The following MEIG1 variants were observed in gnomAD, a reference collection of about 807,000 sequenced individuals.
The protein encoded by MEIG1 is meiosis/spermiogenesis associated 1.
Under a neutral mutation model 11.3 loss-of-function variants are expected in MEIG1, and 12 were observed. That is an observed-to-expected ratio of 1.07 (90% confidence interval 0.68 to 1.73). The LOEUF (loss-of-function observed/expected upper bound fraction) is 1.73. Among genes scored for constraint, MEIG1 ranks in the 40% most tolerant of loss-of-function variants. The pLI, the probability that MEIG1 is intolerant of heterozygous loss-of-function variation, is 0.00. For synonymous variants in MEIG1, 41 were observed against 33.2 expected (o/e 1.24, Z -0.81); for missense variants, 119 against 104.9 (o/e 1.13, Z -0.59).
At chr10:14,964,841 G>A (rs1018402870) in intron 1 of MEIG1, among the ~76,000 whole-genome samples, 1 of 149,864 alleles carries the variant, frequency 6.7e-6, no homozygotes, top group Admixed American at 6.7e-5. Flanking sequence ...AGGCTAAAGT[G>A]CAATGGTGTG....
In MEIG1 at chr10:14,983,124, G is replaced by A. The variant is rs1379482647; in HGVS notation, n.67-3672G>A. On this transcript the variant is annotated intron_variant and non_coding_transcript_variant, in intron 1 of 2. Transcript: ENST00000467536. ...CTCCTAATGTTCAGGGAGGGAGAGA[G>A]CATGATATTACGTTTAATATCGCAG... Among the ~76,000 whole-genome samples the A allele has an allele frequency of 3.9e-5, 6 of 152,020 alleles. No individual in the cohort carries two copies. In the East Asian group the frequency reaches 1.2e-3, roughly 29 times the overall value.
At chr10:14,985,340 A>C (rs1468276491) in intron 1 of MEIG1, among the ~76,000 whole-genome samples, 1 of 151,990 alleles carries the variant, frequency 6.6e-6, no homozygotes, top group African/African-American at 2.4e-5. Context: ...ACCCTGTGAT[A>C]TTATTTGTAA....
intron 1 of MEIG1, among the ~76,000 whole-genome samples, chr10:14,965,525 T>A (rs1437792159): frequency 6.6e-6 from 1 of 152,146 alleles, no homozygotes; most frequent in Non-Finnish European, 1.5e-5. Context: ...CATTAGTTCA[T>A]CAAAAGATCA....
intron 2 of MEIG1, chr10:14,987,619 TA>T (rs1843332264): frequency 1.9e-6 from 1 of 521,226 alleles, no homozygotes; most frequent in Non-Finnish European, 3.5e-6. Flanking sequence ...TTACGTGATT[TA>T]CTTTTTAGCT....
At chr10:14,972,399 T>C in intron 2 of MEIG1, 114 bp from the exon 3 acceptor site, 7 of 1,370,664 alleles carry the variant, frequency 5.1e-6, no homozygotes, top group Non-Finnish European at 6.1e-6. Context: ...CATTCTAAAA[T>C]CTAATCTTAT....
At chr10:14,967,677 G>C (rs890678005) in intron 2 of MEIG1, among the ~76,000 whole-genome samples, 7 of 151,974 alleles carry the variant, frequency 4.6e-5, no homozygotes, top group African/African-American at 1.7e-4. Flanking sequence ...GGGCTTCAAT[G>C]CTTCATGCCG....
At chr10:14,956,363 G>A (rs1171663869), upstream of MEIG1, among the ~76,000 whole-genome samples, 10 of 152,094 alleles carry the variant, frequency 6.6e-5, no homozygotes, top group African/African-American at 2.2e-4. Context: ...TGGATCACCC[G>A]AGGTCAGGAG....
At chr10:14,965,237 G>A (rs1843066701) in intron 1 of MEIG1, among the ~76,000 whole-genome samples, 1 of 152,130 alleles carries the variant, frequency 6.6e-6, no homozygotes, top group South Asian at 2.1e-4. Context: ...ATAGAAGAAT[G>A]CATTCAAGGA....
chr10:14,974,995 A>G (rs566912971), downstream of MEIG1, among the ~76,000 whole-genome samples: 2 of 152,078 alleles, frequency 1.3e-5, no homozygotes, highest in Non-Finnish European at 2.9e-5. Context: ...CCAGGAAGGG[A>G]GAGAGCATGA....
chr10:14,964,635 AC>A (rs1843057922), intron 1 of MEIG1, among the ~76,000 whole-genome samples: 2 of 43,204 alleles, frequency 4.6e-5, no homozygotes, highest in East Asian at 4.8e-4. Flanking sequence ...ATATATGTAT[AC>A]TTTTTTTTTT....
At chr10:14,979,909 C>T (rs1843247795) in intron 1 of MEIG1, among the ~76,000 whole-genome samples, 1 of 151,970 alleles carries the variant, frequency 6.6e-6, no homozygotes, top group South Asian at 2.1e-4. Flanking sequence ...TTTCTATTGT[C>T]AGAGGAGTTT....
chr10:14,974,021 C>T (rs559256398), downstream of MEIG1, among the ~76,000 whole-genome samples: 31 of 152,260 alleles, frequency 2.0e-4, no homozygotes, highest in African/African-American at 7.2e-4. Flanking sequence ...CACAGTCTCT[C>T]GTATAATTGT....
chr10:14,986,302 G>A (rs1160115679), intron 1 of MEIG1, among the ~76,000 whole-genome samples: 2 of 152,138 alleles, frequency 1.3e-5, no homozygotes, highest in African/African-American at 2.4e-5. Flanking sequence ...TTCAGCCTGG[G>A]CAACAAGAGC....
chr10:14,981,524 A>G (rs1284559327), intron 1 of MEIG1, among the ~76,000 whole-genome samples: 6 of 152,044 alleles, frequency 3.9e-5, no homozygotes, highest in Non-Finnish European at 7.4e-5. Flanking sequence ...GTCTTTTTGG[A>G]TAAGGGGGCG....
rs778614253 is a variant in MEIG1, at chr10:14,972,485, C to T, written c.139-28C>T. 1.1e-5 allele frequency: 18 copies of T among 1,613,402 alleles called. No homozygotes were observed. The South Asian group carries it at 1.5e-4, about 14-fold the overall frequency. ...GATAAAAATCAACCCTCCATTGTAA[C>T]GTTTGTACTCTGGTTCTTGATGTGC... On this transcript the variant is annotated intron_variant, in intron 2 of 2. Transcript: ENST00000407572.
downstream of MEIG1, among the ~76,000 whole-genome samples, chr10:14,977,473 C>T (rs1159570778): frequency 6.6e-6 from 1 of 151,864 alleles, no homozygotes; most frequent in Middle Eastern, 3.4e-3. Context: ...GATATTGTTC[C>T]CAATATTGTA....
At chr10:14,964,021 C>G (rs561810645) in intron 1 of MEIG1, among the ~76,000 whole-genome samples, 8 of 150,000 alleles carry the variant, frequency 5.3e-5, no homozygotes, top group Admixed American at 2.0e-4. Flanking sequence ...TAGCATGAAC[C>G]TGGGAAGTGG....
chr10:14,973,294 C>G (rs1299077673), downstream of MEIG1, among the ~76,000 whole-genome samples: 1 of 152,178 alleles, frequency 6.6e-6, no homozygotes, highest in African/African-American at 2.4e-5. Context: ...TATACCCATT[C>G]CTGGCATTTA....
intron 2 of MEIG1, among the ~76,000 whole-genome samples, chr10:14,971,519 G>A (rs1179225802): frequency 2.7e-5 from 4 of 148,824 alleles, no homozygotes; most frequent in East Asian, 2.0e-4. Flanking sequence ...CTACAGCCTC[G>A]GAGACAGAGT....
Sources: allele counts gnomAD v4.1 joint callset (sites outside exome capture counted in the v4.1 genomes callset), GRCh38; gene constraint gnomAD v4.1.1; transcripts MANE v1.5; gene names NCBI Gene and HGNC (gene_info 2026-07-23, HGNC 2026-07-21).